The following BLZF1 variants were observed in gnomAD, a reference collection of about 807,000 sequenced individuals.
BLZF1 encodes the protein golgin-45.
BLZF1 carries 39 observed loss-of-function variants against 43.8 expected under a neutral mutation model. The ratio of observed to expected loss-of-function variants is 0.89; its 90% CI spans 0.69 to 1.16. BLZF1 has a LOEUF of 1.16. Ranked by LOEUF, BLZF1 falls within the 50% of genes most tolerant of loss-of-function variation. The pLI is 0.00. For missense variants in BLZF1, 449 were observed against 469.8 expected, an observed-to-expected ratio of 0.96 and a Z score of 0.41; for synonymous variants, 136 against 159.4, an observed-to-expected ratio of 0.85 and a Z score of 1.11.
chr1:169,379,207 A>G (rs1654454850), intron 4 of BLZF1, among the ~76,000 whole-genome samples: 1 of 152,060 alleles, frequency 6.6e-6, no homozygotes, highest in Non-Finnish European at 1.5e-5. Context: ...TATGTTTCAT[A>G]ACTGTTGATT....
Position 169,382,135 on chromosome 1 carries a change from A to G in BLZF1, c.871A>G (p.Ser291Gly), listed in dbSNP as rs774130419. 3 of 1,613,898 alleles carry G rather than the reference A, an allele frequency of 1.9e-6. No homozygotes were observed. Among genetic ancestry groups the G allele is most frequent in the African/African-American group, 2.7e-5 (2 of 75,042 alleles). ...TTACTCCCCTAGTGTACAACCCCAC[A>G]GCACAGCAGAGCTAGCATTAACAAA... ...QTYSPSVQPH[S>G]TAELALTNHK... Residue 291 changes from serine (S) to glycine (G), a missense_variant, in exon 6 of 7, where the codon AGC (serine) becomes GGC (glycine). Coordinates refer to ENST00000367808, the MANE Select transcript of BLZF1 (RefSeq NM_001320973.2).
At chr1:169,393,566 G>C (rs1157488296) in intron 7 of BLZF1, among the ~76,000 whole-genome samples, 1 of 149,734 alleles carries the variant, frequency 6.7e-6, no homozygotes, top group Non-Finnish European at 1.5e-5. Context: ...TCCAGCCTGG[G>C]AGACTGTGAG....
At position 169,383,682 on chromosome 1, in the gene BLZF1, C is replaced by T. The variant is rs571528739; in HGVS notation, c.1017+1401C>T. 2.6e-5 allele frequency among the ~76,000 whole-genome samples: 4 copies of T among 152,264 alleles called. No homozygotes were observed. In the East Asian group the frequency reaches 7.8e-4, roughly 30 times the overall value. ...AACTCCCTTGACCTTTGTAACATCA[C>T]TCTTTCTTGGCCCTGATGCTACCTC... is the stretch of plus-strand genomic sequence containing the variant. On this transcript the variant is annotated intron_variant, in intron 6 of 6. Coordinates refer to ENST00000367808, the MANE Select transcript of BLZF1 (RefSeq NM_001320973.2).
At chr1:169,369,405 T>C (rs1654027231) in intron 1 of BLZF1, 68 bp from the exon 2 acceptor site, 2 of 763,930 alleles carry the variant, frequency 2.6e-6, no homozygotes, top group Non-Finnish European at 4.1e-6. Flanking sequence ...ATCATAACTT[T>C]TAAATTGGAG....
In BLZF1 at chr1:169,395,099, T is replaced by C. The variant is rs200811493; in HGVS notation, c.*28-795T>C. 247 of 1,613,436 alleles carry C rather than the reference T, an allele frequency of 1.5e-4. 1 individual carries two copies. The South Asian group carries it at 2.2e-3, about 14-fold the overall frequency. On this transcript the variant is annotated intron_variant, in intron 7 of 7. Transcript: ENST00000329281. ...AGGTTTGGCTTCTGACATATATAGG[T>C]GGTGCTGTAACTGTTTAGAACGCTT... is the stretch of plus-strand genomic sequence containing the variant.
Position 169,382,979 on chromosome 1 carries a change from A to G in BLZF1, c.1017+698A>G, listed in dbSNP as rs1028737492. ...AATTGTTTTTATTCCCTTGGTCCCT[A>G]TATTTTTTTATGTATCTCATCAGCT... On this transcript the variant is annotated intron_variant, in intron 6 of 6. Transcript: ENST00000367808. Among the ~76,000 whole-genome samples, 4 of 151,958 alleles carry G rather than the reference A, an allele frequency of 2.6e-5. No individual in the cohort carries two copies. The South Asian group carries it at 8.3e-4, about 31-fold the overall frequency.
intron 6 of BLZF1, among the ~76,000 whole-genome samples, chr1:169,386,535 C>T (rs1035393345): frequency 6.6e-6 from 1 of 151,858 alleles, no homozygotes; most frequent in South Asian, 2.1e-4. Context: ...AAAAATGAGC[C>T]GGGCATGGTG....
At chr1:169,381,431 G>C (rs1654523801) in intron 5 of BLZF1, among the ~76,000 whole-genome samples, 1 of 152,032 alleles carries the variant, frequency 6.6e-6, no homozygotes, top group African/African-American at 2.4e-5. Context: ...TCCAGGTCTA[G>C]ATGGATTCAC....
In BLZF1 at chr1:169,372,308, T is replaced by C. The variant is rs1328774767; in HGVS notation, c.28+2758T>C. Among the ~76,000 whole-genome samples, 4 of 152,172 alleles carry C rather than the reference T, an allele frequency of 2.6e-5. No homozygotes were observed. The East Asian group carries it at 7.7e-4, about 29-fold the overall frequency. On this transcript the variant is annotated intron_variant, in intron 2 of 6. Coordinates refer to ENST00000367808, the MANE Select transcript of BLZF1 (RefSeq NM_001320973.2). Reference sequence around the variant, plus strand: ...ATATGTTCTGGAAAGTCTTTCAGACTATAACCAAGTTAGGAATTAATGATT... The same window carrying C: ...ATATGTTCTGGAAAGTCTTTCAGACCATAACCAAGTTAGGAATTAATGATT...
At chr1:169,393,815 C>T (rs1052172904) in intron 7 of BLZF1, among the ~76,000 whole-genome samples, 3 of 151,840 alleles carry the variant, frequency 2.0e-5, no homozygotes, top group Admixed American at 6.6e-5. Context: ...TTGGCCAGGC[C>T]GGTCTCAAAC....
At chr1:169,377,662 G>T (rs1342355814) in intron 3 of BLZF1, among the ~76,000 whole-genome samples, 2 of 151,980 alleles carry the variant, frequency 1.3e-5, no homozygotes, top group Non-Finnish European at 2.9e-5. Context: ...AGTGCCACCT[G>T]AATCATTTCA....
chr1:169,376,473 C>A, intron 2 of BLZF1, 67 bp from the exon 3 acceptor site: 2 of 1,375,638 alleles, frequency 1.5e-6, no homozygotes, highest in Non-Finnish European at 2.0e-6. Flanking sequence ...TAGGGTATAG[C>A]ATGTATTAGC....
In BLZF1 at chr1:169,376,472, G is replaced by A. The variant is rs1375952439; in HGVS notation, c.29-68G>A. Reference sequence around the variant, plus strand: ...CCAGTAATTTTGAATATAGGGTATAGCATGTATTAGCATTTTCTTGGCATT... The same window carrying A: ...CCAGTAATTTTGAATATAGGGTATAACATGTATTAGCATTTTCTTGGCATT... On this transcript the variant is annotated intron_variant, in intron 2 of 6. Transcript: ENST00000367808. The A allele has an allele frequency of 2.2e-6, 3 of 1,365,600 alleles. No individual in the cohort carries two copies. The Admixed American group carries it at 7.2e-5, about 33-fold the overall frequency. The allele number at this position is 1,365,600 out of a possible 1,614,324, so 84.6% of individuals were successfully genotyped here.
chr1:169,382,381 T>C (rs1654552690), intron 6 of BLZF1, 100 bp downstream of exon 6: 1 of 1,042,696 alleles, frequency 9.6e-7, no homozygotes, highest in Non-Finnish European at 1.4e-6. Context: ...AATTAGGAAA[T>C]GTGGGATCTA....
At chr1:169,393,408 C>T (rs1571449423) in intron 7 of BLZF1, among the ~76,000 whole-genome samples, 2 of 151,132 alleles carry the variant, frequency 1.3e-5, no homozygotes, top group East Asian at 4.0e-4. Flanking sequence ...ACCAACATGG[C>T]GAAACCCCGT....
intron 2 of BLZF1, among the ~76,000 whole-genome samples, chr1:169,375,393 C>CATATATATATATCTATATATAT (rs1654276234): frequency 1.2e-5 from 1 of 85,836 alleles, no homozygotes; most frequent in African/African-American, 4.8e-5. Context: ...ATATATAAAA[C>CATATATATATATCTATATATAT]ATATATATAT....
intron 5 of BLZF1, among the ~76,000 whole-genome samples, chr1:169,381,372 G>A (rs1318789475): frequency 6.6e-6 from 1 of 152,016 alleles, no homozygotes; most frequent in East Asian, 1.9e-4. Context: ...ACCTATTAAA[G>A]CAAATATAAT....
At chr1:169,370,780 A>T (rs1654094242) in intron 2 of BLZF1, among the ~76,000 whole-genome samples, 1 of 152,044 alleles carries the variant, frequency 6.6e-6, no homozygotes, top group Admixed American at 6.6e-5. Flanking sequence ...TACTCTCATG[A>T]CTTCAGTAAT....
At position 169,387,186 on chromosome 1, in the gene BLZF1, T is replaced by G. The variant is rs1236988364; in HGVS notation, c.*4T>G. The G allele has an allele frequency of 5.0e-6, 8 of 1,610,594 alleles. No homozygotes were observed. Among genetic ancestry groups the G allele is most frequent in the Non-Finnish European group, 6.8e-6 (8 of 1,178,968 alleles). On this transcript the variant is annotated 3_prime_UTR_variant, in exon 7 of 7. Transcript: ENST00000367808. ...GGGAGAACTGATTGCCCTTTAACAG[T>G]CAATATGTTGGAGGCATGCTAAGGT...
Sources: gnomAD v4.1 joint callset for allele counts (sites outside exome capture counted in the v4.1 genomes callset) on GRCh38, gnomAD v4.1.1 for gene constraint, MANE v1.5 for transcripts, NCBI Gene and HGNC (gene_info 2026-07-23, HGNC 2026-07-21) for gene names.